The following SLC30A1 variants were observed in gnomAD, a reference collection of about 807,000 sequenced individuals.
SLC30A1 encodes the protein solute carrier family 30 member 1.
A neutral mutation model predicts 29.8 loss-of-function variants in SLC30A1; 7 were observed. The ratio of observed to expected loss-of-function variants is 0.23; its 90% CI spans 0.13 to 0.44. SLC30A1 has a LOEUF of 0.44. SLC30A1 is among the 20% of genes least tolerant of loss of function. The pLI, the probability that SLC30A1 is intolerant of heterozygous loss-of-function variation, is 1.00. For synonymous variants in SLC30A1, 254 were observed against 253.5 expected, an observed-to-expected ratio of 1.00 and a Z score of -0.02; for missense variants, 446 against 647.9, an observed-to-expected ratio of 0.69 and a Z score of 3.38.
rs113173086 is a variant in SLC30A1 at position 211,578,632 on chromosome 1, G to A, written c.-20C>T. On this transcript the variant is annotated 5_prime_UTR_variant, in exon 1 of 2. Transcript: ENST00000367001. The stretch of plus-strand genomic sequence containing the variant: ...CCCCATGGCTGCGGCTGCGGGGCCC[G>A]CCGAGCCCGGCCCGGAGACTGGTGC... 28,506 of 1,516,952 alleles carry A rather than the reference G, an allele frequency of 0.019. 338 individuals carry two copies. The highest frequency in any genetic ancestry group is 0.023 in the Non-Finnish European group (25,969 of 1,139,790). The allele number at this position is 1,516,952 out of a possible 1,614,324, so 94.0% of individuals were successfully genotyped here.
chr1:211,575,397 T>C lies in SLC30A1; in HGVS notation c.1515A>G (p.Ser505=). The part of the protein sequence containing the change: ...IKNMPNKQPE[S]SL Reference sequence around the variant, plus strand: ...ACATCTTTTTCAAGACTCACAAAGATGATTCAGGTTGTTTGTTTGGCATGT... The same window carrying C: ...ACATCTTTTTCAAGACTCACAAAGACGATTCAGGTTGTTTGTTTGGCATGT... The change falls in exon 2 of 2, where the codon TCA becomes TCG. Residue 505 remains serine (S), a synonymous_variant. Transcript: ENST00000367001. The surrounding 1 kb of genome is among the most constrained non-coding windows in gnomAD (Gnocchi z 6.0). 6.3e-7 allele frequency: 1 copy of C among 1,585,832 alleles called. No homozygotes were observed. Among genetic ancestry groups the C allele is most frequent in the East Asian group, 2.2e-5 (1 of 44,662 alleles).
rs781237696 is a variant in SLC30A1 at position 211,575,236 on chromosome 1, T to C, written c.*152A>G. 55 of 667,866 alleles carry C rather than the reference T, an allele frequency of 8.2e-5. No individual in the cohort carries two copies. Among genetic ancestry groups the C allele is most frequent in the Non-Finnish European group, 1.3e-4 (50 of 385,660 alleles). The allele number at this position is 667,866 out of a possible 1,614,324, so 41.4% of individuals were successfully genotyped here. Reference sequence around the variant, plus strand: ...AAAATTGTAATATAGAACTCTGTTATGCAGTCCCATTATGTTCTTACAAAA... The same window carrying C: ...AAAATTGTAATATAGAACTCTGTTACGCAGTCCCATTATGTTCTTACAAAA... On this transcript the variant is annotated 3_prime_UTR_variant, in exon 2 of 2. Coordinates refer to ENST00000367001, the MANE Select transcript of SLC30A1 (RefSeq NM_021194.3). This position sits in a 1 kb window ranked among gnomAD's most constrained non-coding sequence, Gnocchi z 6.0.
At position 211,575,818 on chromosome 1, in the gene SLC30A1, C is replaced by T; in HGVS notation, c.1094G>A (p.Gly365Glu). 1 of 1,614,044 alleles carries T rather than the reference C, an allele frequency of 6.2e-7. No individual in the cohort carries two copies. Among genetic ancestry groups the T allele is most frequent in the South Asian group, 1.1e-5 (1 of 91,064 alleles). Residue 365 changes from glycine to glutamate, a missense_variant, in exon 2 of 2, where the codon GGA becomes GAA. Gly to Glu is a moderately conservative substitution (Grantham distance 98). Around this residue, in one of 5 missense-constraint regions of SLC30A1, gnomAD observed 187 missense variants for 312.7 expected, o/e 0.60. Transcript: ENST00000367001. The surrounding 1 kb of genome is among the most constrained non-coding windows in gnomAD (Gnocchi z 6.0). ...ATGTAATTCATGAACTTCCTCAACT[C>T]CTTCAACATTTCGAAGTTCTTTTAT... ...NLIKELRNVE[G>E]VEEVHELHVW... is the part of the protein sequence containing the mutation.
chr1:211,575,505 A>T lies in SLC30A1; in HGVS notation c.1407T>A (p.Cys469Ter). 1 of 1,614,186 alleles carries T rather than the reference A, an allele frequency of 6.2e-7. No individual in the cohort carries two copies. Among genetic ancestry groups the T allele is most frequent in the East Asian group, 2.2e-5 (1 of 44,884 alleles). ...AEKTPAVSIS[C>*]LELSNNLEKK... ...TCTCTAGATTGTTACTAAGTTCTAAACAAGAAATGCTAACTGCTGGGGTCT... is the reference window on the plus strand; with the variant it reads ...TCTCTAGATTGTTACTAAGTTCTAATCAAGAAATGCTAACTGCTGGGGTCT... Residue 469 changes from cysteine to a stop codon, truncating the protein, a stop_gained, in exon 2 of 2, where the codon TGT becomes TGA. Transcript: ENST00000367001. LOFTEE classifies it high-confidence loss of function. This position sits in a 1 kb window ranked among gnomAD's most constrained non-coding sequence, Gnocchi z 6.0.
rs1259259731 is a variant in SLC30A1, at chr1:211,573,948, C to T, written c.*1440G>A. On this transcript the variant is annotated 3_prime_UTR_variant, in exon 2 of 2. Transcript: ENST00000367001. ...CAAATCCTAACACTTTTTCCTCTTA[C>T]AACCCATTAAACAATGAACTATTTT... 1 of 152,490 alleles carries T rather than the reference C, an allele frequency of 6.6e-6. No individual in the cohort carries two copies. The highest frequency in any genetic ancestry group is 1.5e-5 in the Non-Finnish European group (1 of 67,936). 9.4% of individuals were successfully genotyped at this position (152,490 alleles called of 1,614,324 possible).
chr1:211,576,303 A>C lies in SLC30A1; in HGVS notation c.623-14T>G. The C allele has an allele frequency of 6.8e-7, 1 of 1,466,494 alleles. No homozygotes were observed. The highest frequency in any genetic ancestry group is 9.2e-7 in the Non-Finnish European group (1 of 1,082,718). 90.8% of individuals were successfully genotyped at this position (1,466,494 alleles called of 1,614,324 possible). ...GGTTTTCTGGGTCTACAAAGAAATA[A>C]AAATTTTATATCAAATACATTTAAA... is the stretch of plus-strand genomic sequence containing the variant. On this transcript the variant is annotated splice_polypyrimidine_tract_variant and intron_variant, in intron 1 of 1. Transcript: ENST00000367001.
At position 211,576,110 on chromosome 1, in the gene SLC30A1, C is replaced by T; in HGVS notation, c.802G>A (p.Val268Ile). ...GSVIVVVNAL[V>I]FYFSWKGCSE... ...CAACCTTTCCAAGAAAAGTAAAAGA[C>T]TAAGGCATTTACTACTACAATCACT... The change falls in exon 2 of 2, where the codon GTC becomes ATC. Residue 268 changes from valine (V) to isoleucine (I), a missense_variant. By Grantham distance (29) the Val-to-Ile change is conservative (BLOSUM62 3). Transcript: ENST00000367001. 5.6e-6 allele frequency: 9 copies of T among 1,613,832 alleles called. No individual in the cohort carries two copies. The highest frequency in any genetic ancestry group is 6.8e-6 in the Non-Finnish European group (8 of 1,179,928).
Position 211,577,016 on chromosome 1 carries a change from G to A in SLC30A1, c.623-727C>T, listed in dbSNP as rs1315019235. 6.6e-6 allele frequency among the ~76,000 whole-genome samples: 1 copy of A among 152,174 alleles called. No individual in the cohort carries two copies. The highest frequency in any genetic ancestry group is 1.5e-5 in the Non-Finnish European group (1 of 68,026). On this transcript the variant is annotated intron_variant, in intron 1 of 1. Transcript: ENST00000367001. The surrounding 1 kb of genome is among the most constrained non-coding windows in gnomAD (Gnocchi z 4.5). Reference sequence around the variant, plus strand: ...ATTTTCTTTGGAATAACACCTTGCCGAGTGGAGTGAGAGGAAAACCAATTA... The same window carrying A: ...ATTTTCTTTGGAATAACACCTTGCCAAGTGGAGTGAGAGGAAAACCAATTA...
At position 211,578,506 on chromosome 1, in the gene SLC30A1, G is replaced by A; in HGVS notation, c.107C>T (p.Ala36Val). 6.2e-7 allele frequency: 1 copy of A among 1,611,602 alleles called. No individual in the cohort carries two copies. Residue 36 changes from alanine to valine, a missense_variant, in exon 1 of 2, where the codon GCG becomes GTG. By Grantham distance (64) the Ala-to-Val change is moderately conservative. Around this residue, in one of 5 missense-constraint regions of SLC30A1, gnomAD observed 62 missense variants for 91.5 expected, o/e 0.68. Coordinates refer to ENST00000367001, the MANE Select transcript of SLC30A1 (RefSeq NM_021194.3). ...VVVSRVTSSLAMLSDSFHMLS... is the reference protein window; with the variant it reads ...VVVSRVTSSLVMLSDSFHMLS... ...CATGTGGAAGGAGTCGGAGAGCATC[G>A]CCAGCGACGAGGTCACCCGGCTCAC...
Position 211,576,206 on chromosome 1 carries a change from C to G in SLC30A1, c.706G>C (p.Glu236Gln). The change falls in exon 2 of 2, where the codon GAA (glutamate) becomes CAA (glutamine). Residue 236 changes from glutamate to glutamine, a missense_variant. Transcript: ENST00000367001. ...TTAAGTTGTCCAGCCCTATCTTCTT[C>G]CAGTTCCATATGGTCAGGTTCTCTG... ...LVREPDHMEL[E>Q]EDRAGQLNMR... 1 of 1,613,284 alleles carries G rather than the reference C, an allele frequency of 6.2e-7. No homozygotes were observed. Among genetic ancestry groups the G allele is most frequent in the Non-Finnish European group, 8.5e-7 (1 of 1,179,842 alleles).
In SLC30A1 at chr1:211,578,142, G is replaced by T. The variant is rs1225808048; in HGVS notation, c.471C>A (p.His157Gln). ...TAACGCGAGGCCCCTTGGGGAGGCC[G>T]TGGCCGTGGCCGTGACCCCCGTGCG... is the stretch of plus-strand genomic sequence containing the variant. ...GHSHGGHGHG[H>Q]GLPKGPRVKS... is the part of the protein sequence containing the mutation. Residue 157 changes from histidine (H) to glutamine (Q), a missense_variant, in exon 1 of 2, where the codon CAC becomes CAA. This residue lies in a region of SLC30A1 where 159 missense variants were observed against 161.1 expected (regional missense o/e 0.99). Coordinates refer to ENST00000367001, the MANE Select transcript of SLC30A1 (RefSeq NM_021194.3). 6.2e-7 allele frequency: 1 copy of T among 1,607,074 alleles called. No individual in the cohort carries two copies. The highest frequency in any genetic ancestry group is 8.5e-7 in the Non-Finnish European group (1 of 1,177,434).
rs1473440952 is a variant in SLC30A1 at position 211,576,000 on chromosome 1, T to G, written c.912A>C (p.Ser304=). ...FVEIINSTHA[S]VYEAGPCWVL... is the part of the protein sequence containing the mutation. The stretch of plus-strand genomic sequence containing the variant: ...CCCAGCAAGGACCAGCCTCATAAAC[T>G]GATGCATGAGTACTATTAATTATTT... Residue 304 remains serine, a synonymous_variant, in exon 2 of 2, where the codon TCA becomes TCC. Transcript: ENST00000367001. This position sits in a 1 kb window ranked among gnomAD's most constrained non-coding sequence, Gnocchi z 6.0. The G allele has an allele frequency of 1.2e-6, 2 of 1,613,776 alleles. No homozygotes were observed. Among genetic ancestry groups the G allele is most frequent in the East Asian group, 4.5e-5 (2 of 44,882 alleles).
Position 211,577,652 on chromosome 1 carries a change from C to T in SLC30A1, c.622+339G>A, listed in dbSNP as rs115927197. ...CTGTTATAACCATAACCAGACAAGT[C>T]TCCAGCAAAGTTGCTGCAGCCTGTA... On this transcript the variant is annotated intron_variant, in intron 1 of 1. Transcript: ENST00000367001. The surrounding 1 kb of genome is among the most constrained non-coding windows in gnomAD (Gnocchi z 4.5). 4.3e-3 allele frequency among the ~76,000 whole-genome samples: 661 copies of T among 152,350 alleles called. 2 individuals carry two copies. The highest frequency in any genetic ancestry group is 0.015 in the African/African-American group (626 of 41,580).
chr1:211,572,193 C>T lies in SLC30A1; in HGVS notation c.*3195G>A, dbSNP rs557357726. 2.0e-5 allele frequency: 3 copies of T among 152,092 alleles called. No homozygotes were observed. Among genetic ancestry groups the T allele is most frequent in the East Asian group, 3.9e-4 (2 of 5,178 alleles). 9.4% of individuals were successfully genotyped at this position (152,092 alleles called of 1,614,324 possible). ...GCTATTATAATCCCAATTTCAGAGA[C>T]GTGAAACACTGTATGACACAGTTTC... On this transcript the variant is annotated 3_prime_UTR_variant, in exon 2 of 2. Coordinates refer to ENST00000367001, the MANE Select transcript of SLC30A1 (RefSeq NM_021194.3).
In SLC30A1 at chr1:211,571,651, A is replaced by G. The variant is rs896665447; in HGVS notation, c.*3737T>C. ...GTAGTCTGTCTCATATAGAACATTT[A>G]TAATACATAACAATCCATAAAGCCT... On this transcript the variant is annotated 3_prime_UTR_variant, in exon 2 of 2. Coordinates refer to ENST00000367001, the MANE Select transcript of SLC30A1 (RefSeq NM_021194.3). 6.6e-6 allele frequency: 1 copy of G among 152,030 alleles called. No homozygotes were observed. Among genetic ancestry groups the G allele is most frequent in the African/African-American group, 2.4e-5 (1 of 41,470 alleles). 9.4% of individuals were successfully genotyped at this position (152,030 alleles called of 1,614,324 possible).
At position 211,579,142 on chromosome 1, in the gene SLC30A1, C is replaced by G. The variant is rs551918206; in HGVS notation, c.-530G>C. Among the ~76,000 whole-genome samples, 5 of 152,354 alleles carry G rather than the reference C, an allele frequency of 3.3e-5. No homozygotes were observed. Among genetic ancestry groups the G allele is most frequent in the South Asian group, 2.1e-4 (1 of 4,830 alleles). On this transcript the variant is annotated 5_prime_UTR_variant, in exon 1 of 2. Coordinates refer to ENST00000367001, the MANE Select transcript of SLC30A1 (RefSeq NM_021194.3). The stretch of plus-strand genomic sequence containing the variant: ...GCGGCCACGGCAGCTGCACTCGGCC[C>G]GGTCTCGGGCGCCTTCTTCGCCCCC...
chr1:211,575,264 A>C lies in SLC30A1; in HGVS notation c.*124T>G. On this transcript the variant is annotated 3_prime_UTR_variant, in exon 2 of 2. Transcript: ENST00000367001. The surrounding 1 kb of genome is among the most constrained non-coding windows in gnomAD (Gnocchi z 6.0). The stretch of plus-strand genomic sequence containing the variant: ...AGTCCCATTATGTTCTTACAAAAAT[A>C]GAATTAAACTGTGTGACCAGACAAG... 1.3e-6 allele frequency: 1 copy of C among 788,350 alleles called. No homozygotes were observed. 48.8% of individuals were successfully genotyped at this position (788,350 alleles called of 1,614,324 possible).
Position 211,578,085 on chromosome 1 carries a change from G to C in SLC30A1, c.528C>G (p.Asn176Lys), listed in dbSNP as rs771897141. 2 of 1,612,060 alleles carry C rather than the reference G, an allele frequency of 1.2e-6. No individual in the cohort carries two copies. Among genetic ancestry groups the C allele is most frequent in the African/African-American group, 2.7e-5 (2 of 74,914 alleles). The part of the protein sequence containing the change: ...KSTRPGSSDI[N>K]VAPGEQGPDQ... Reference sequence around the variant, plus strand: ...CGGGACCCTGCTCGCCCGGGGCCACGTTGATGTCGCTGCTCCCGGGGCGGG... The same window carrying C: ...CGGGACCCTGCTCGCCCGGGGCCACCTTGATGTCGCTGCTCCCGGGGCGGG... Residue 176 changes from asparagine to lysine, a missense_variant, in exon 1 of 2, where the codon AAC becomes AAG. This residue lies in a region of SLC30A1 where 159 missense variants were observed against 161.1 expected (regional missense o/e 0.99). Transcript: ENST00000367001.
At position 211,578,668 on chromosome 1, in the gene SLC30A1, T is replaced by G. The variant is rs1276175709; in HGVS notation, c.-56A>C. 3.5e-6 allele frequency: 5 copies of G among 1,420,444 alleles called. No individual in the cohort carries two copies. Among genetic ancestry groups the G allele is most frequent in the Non-Finnish European group, 4.6e-6 (5 of 1,096,036 alleles). 88.0% of individuals were successfully genotyped at this position (1,420,444 alleles called of 1,614,324 possible). On this transcript the variant is annotated 5_prime_UTR_variant, in exon 1 of 2. Transcript: ENST00000367001. Reference sequence around the variant, plus strand: ...CCCGGAGACTGGTGCAGCGGCGGCGTTGGCGGGACGCGGAGGGTCGGCGAC... The same window carrying G: ...CCCGGAGACTGGTGCAGCGGCGGCGGTGGCGGGACGCGGAGGGTCGGCGAC...
Sources: gnomAD v4.1 joint callset for allele counts (sites outside exome capture counted in the v4.1 genomes callset) on GRCh38, gnomAD v4.1.1 for gene constraint, gnomAD v4.1.1 regional missense constraint, Gnocchi (gnomAD v3.1) non-coding constraint, MANE v1.5 for transcripts, NCBI Gene and HGNC (gene_info 2026-07-23, HGNC 2026-07-21) for gene names.